Variants in FRK observed in about 807,000 individuals in gnomAD.
FRK encodes fyn related Src family tyrosine kinase.
FRK carries 51 observed loss-of-function variants against 56.4 expected under a neutral mutation model. The ratio of observed to expected loss-of-function variants is 0.90; its 90% CI spans 0.72 to 1.14. The LOEUF (loss-of-function observed/expected upper bound fraction) is 1.14. Ranked by LOEUF, FRK falls within the 50% of genes most tolerant of loss-of-function variation. FRK has a pLI of 0.00. For missense variants in FRK, 570 were observed against 601.4 expected, an observed-to-expected ratio of 0.95 and a Z score of 0.55; for synonymous variants, 245 against 217.9, an observed-to-expected ratio of 1.12 and a Z score of -1.10.
intron 2 of FRK, among the ~76,000 whole-genome samples, chr6:115,971,928 A>G (rs1773819405): frequency 6.6e-6 from 1 of 152,182 alleles, no homozygotes; most frequent in South Asian, 2.1e-4. Flanking sequence ...GGGAGTAAAG[A>G]AGGAGAAGGC....
rs1288337929 is a variant in FRK at position 115,940,972 on chromosome 6, C to T, written c.*1442G>A. ...CTCAAGGATCTAGAACTAGAAATAC[C>T]ATTTGACTCAGCGATCCCATTACTG... On this transcript the variant is annotated 3_prime_UTR_variant, in exon 8 of 8. Transcript: ENST00000606080. The T allele has an allele frequency of 6.6e-6, 1 of 152,144 alleles. No homozygotes were observed. The highest frequency in any genetic ancestry group is 1.5e-5 in the Non-Finnish European group (1 of 68,026). The allele number at this position is 152,144 out of a possible 1,614,324, so 9.4% of individuals were successfully genotyped here.
At chr6:115,962,157 C>T (rs1364526124) in intron 4 of FRK, among the ~76,000 whole-genome samples, 29 of 138,310 alleles carry the variant, frequency 2.1e-4, no homozygotes, top group African/African-American at 5.8e-4. Context: ...ACCCATCTCA[C>T]GTGCAGAGAC....
intron 1 of FRK, among the ~76,000 whole-genome samples, chr6:116,006,815 C>T (rs1775264675): frequency 6.6e-6 from 1 of 151,950 alleles, no homozygotes; most frequent in African/African-American, 2.4e-5. Flanking sequence ...GCCTGGGTGA[C>T]ATAGAAAGAT....
chr6:116,016,176 C>T (rs1775642946), intron 1 of FRK, among the ~76,000 whole-genome samples: 1 of 152,174 alleles, frequency 6.6e-6, no homozygotes, highest in African/African-American at 2.4e-5. Flanking sequence ...GTCTCATGGG[C>T]TGGGTACAGG....
chr6:115,933,444 T>C lies in FRK; in HGVS notation c.*8970A>G, dbSNP rs527752536. ...CTGTTTCTCATAACTGAATCCATTA[T>C]TTTTCTCCATGATCCATCAGGTAAA... On this transcript the variant is annotated 3_prime_UTR_variant, in exon 8 of 8. Coordinates refer to ENST00000606080, the MANE Select transcript of FRK (RefSeq NM_002031.3). 6.6e-6 allele frequency: 1 copy of C among 152,304 alleles called. No individual in the cohort carries two copies. Among genetic ancestry groups the C allele is most frequent in the African/African-American group, 2.4e-5 (1 of 41,566 alleles). The allele number at this position is 152,304 out of a possible 1,614,324, so 9.4% of individuals were successfully genotyped here.
In FRK at chr6:115,944,367, G is replaced by A. The variant is rs56094152; in HGVS notation, c.1017C>T (p.Ala339=). Reference sequence around the variant, plus strand: ...GAGACTCCAGATAGGCCATTCCAGAGGCAACCTGTGCCGCCATGTCTACCT... The same window carrying A: ...GAGACTCCAGATAGGCCATTCCAGAAGCAACCTGTGCCGCCATGTCTACCT... ...TQQVDMAAQV[A]SGMAYLESRN... The change falls in exon 6 of 8, where the codon GCC becomes GCT. Residue 339 remains alanine, a synonymous_variant. Coordinates refer to ENST00000606080, the MANE Select transcript of FRK (RefSeq NM_002031.3). 6.1e-4 allele frequency: 981 copies of A among 1,612,814 alleles called. 11 individuals are homozygous for A. In the East Asian group the frequency reaches 0.02, roughly 33 times the overall value.
chr6:116,080,224 C>A, the FRK span, among the ~76,000 whole-genome samples: 3 of 152,074 alleles, frequency 2.0e-5, no homozygotes, highest in African/African-American at 7.2e-5. Flanking sequence ...GGCATGATTG[C>A]GGCTCACTGC....
chr6:116,038,760 CG>C, intron 1 of FRK: 1 of 486,840 alleles, frequency 2.1e-6, no homozygotes, highest in Non-Finnish European at 4.2e-6. Context: ...AGCGCCATGG[CG>C]ACCTCCAGGA....
At chr6:116,092,152 A>G in the FRK span, among the ~76,000 whole-genome samples, 1 of 152,170 alleles carries the variant, frequency 6.6e-6, no homozygotes, top group Non-Finnish European at 1.5e-5. Flanking sequence ...ACCTGGGCTT[A>G]CCAATCAGAG....
chr6:116,062,524 A>C (rs1777661852), upstream of FRK, among the ~76,000 whole-genome samples: 2 of 152,162 alleles, frequency 1.3e-5, no homozygotes, highest in South Asian at 4.1e-4. Context: ...GATGTATTCA[A>C]ACCCAATTTG....
At chr6:116,028,035 A>G (rs1260586212) in intron 1 of FRK, among the ~76,000 whole-genome samples, 1 of 152,116 alleles carries the variant, frequency 6.6e-6, no homozygotes, top group Non-Finnish European at 1.5e-5. Flanking sequence ...CTTTTACTGC[A>G]CAGTCAACAC....
chr6:116,078,254 C>T, the FRK span, among the ~76,000 whole-genome samples: 3 of 152,122 alleles, frequency 2.0e-5, no homozygotes, highest in Admixed American at 6.5e-5. Context: ...CAGTTATGAA[C>T]GTGGGAGGAT....
chr6:116,012,512 T>C (rs1057150602), intron 1 of FRK, among the ~76,000 whole-genome samples: 1 of 152,342 alleles, frequency 6.6e-6, no homozygotes. Context: ...GTTTAGATTA[T>C]TCTTTGTTTA....
At chr6:116,072,856 T>A in the FRK span, among the ~76,000 whole-genome samples, 34 of 152,136 alleles carry the variant, frequency 2.2e-4, no homozygotes, top group African/African-American at 7.7e-4. Context: ...AAGAAAAACA[T>A]CCAAAGAAAT....
intron 1 of FRK, among the ~76,000 whole-genome samples, chr6:116,052,135 A>G (rs1422178656): frequency 1.3e-5 from 2 of 152,144 alleles, no homozygotes; most frequent in African/African-American, 4.8e-5. Context: ...CTGACTTGAT[A>G]TTCAGTCTAC....
intron 4 of FRK, among the ~76,000 whole-genome samples, chr6:115,963,074 C>T (rs1359056419): frequency 5.1e-5 from 3 of 59,388 alleles, no homozygotes; most frequent in Non-Finnish European, 1.0e-4. Context: ...GATAGAGACA[C>T]AAAAAAACCT....
the FRK span, among the ~76,000 whole-genome samples, chr6:116,083,898 T>C: frequency 2.0e-5 from 3 of 151,150 alleles, no homozygotes; most frequent in Non-Finnish European, 4.4e-5. Flanking sequence ...TAGACTCAAG[T>C]GATTGTCCCA....
chr6:116,067,272 G>A, the FRK span, among the ~76,000 whole-genome samples: 1 of 152,314 alleles, frequency 6.6e-6, no homozygotes, highest in Admixed American at 6.5e-5. Context: ...CTAGCCTTCA[G>A]AACTATGGAA....
chr6:116,027,256 G>A (rs1035643809), intron 1 of FRK, among the ~76,000 whole-genome samples: 5 of 152,038 alleles, frequency 3.3e-5, no homozygotes, highest in African/African-American at 9.7e-5. Context: ...AAACATAGTC[G>A]CAAATAAACA....
Sources: gnomAD v4.1 joint callset for allele counts (sites outside exome capture counted in the v4.1 genomes callset) on GRCh38, gnomAD v4.1.1 for gene constraint, MANE v1.5 for transcripts, NCBI Gene and HGNC (gene_info 2026-07-23, HGNC 2026-07-21) for gene names.